The following XPO5 variants were observed in gnomAD, a reference collection of about 807,000 sequenced individuals.
The protein encoded by XPO5 is exportin 5.
XPO5 carries 46 observed loss-of-function variants against 160.6 expected under a neutral mutation model. That is an observed-to-expected ratio of 0.29 (90% CI 0.23 to 0.37). The LOEUF (loss-of-function observed/expected upper bound fraction) is 0.37. Among genes scored for constraint, XPO5 ranks in the 10% least tolerant of loss-of-function variants. The probability of loss-of-function intolerance (pLI) is 1.00; values close to 1 mark genes in which losing one functional copy is unlikely to be tolerated. For synonymous variants in XPO5, 537 were observed against 519.3 expected (o/e 1.03, Z -0.46); for missense variants, 1,090 against 1,463.9 (o/e 0.74, Z 4.17).
chr6:43,573,688 C>T, intron 1 of XPO5, 87 bp from the exon 2 acceptor site: 3 of 1,471,884 alleles, frequency 2.0e-6, no homozygotes, highest in Non-Finnish European at 2.7e-6. Flanking sequence ...CCAACCAGGG[C>T]CGGGTGCGGT....
intron 2 of XPO5, 78 bp from the exon 3 acceptor site, chr6:43,572,656 C>T: frequency 7.3e-7 from 1 of 1,367,262 alleles, no homozygotes; most frequent in Non-Finnish European, 1.0e-6. Flanking sequence ...TGGATTTCTA[C>T]ATTTGATTAC....
At chr6:43,537,567 A>G (rs1794415630) in intron 20 of XPO5, among the ~76,000 whole-genome samples, 1 of 152,222 alleles carries the variant, frequency 6.6e-6, no homozygotes, top group South Asian at 2.1e-4. Context: ...TTCCAACGGA[A>G]GTTTACTTAC....
At chr6:43,543,628 GC>G (rs1794813801) in intron 20 of XPO5, among the ~76,000 whole-genome samples, 1 of 151,932 alleles carries the variant, frequency 6.6e-6, no homozygotes, top group South Asian at 2.1e-4. Flanking sequence ...CACAAGTTAA[GC>G]CCTTTTCTAC....
rs1582237215 is a variant in XPO5 at position 43,560,284 on chromosome 6, T to C, written c.1115A>G (p.Gln372Arg). The C allele has an allele frequency of 2.5e-6, 4 of 1,611,424 alleles. No homozygotes were observed. Among genetic ancestry groups the C allele is most frequent in the Non-Finnish European group, 3.4e-6 (4 of 1,178,740 alleles). The change falls in exon 11 of 32, where the codon CAG becomes CGG. Residue 372 changes from glutamine (Q) to arginine (R), a missense_variant. By Grantham distance (43) the Gln-to-Arg change is conservative. This residue lies in a region of XPO5 where 810 missense variants were observed against 1,139.0 expected (regional missense o/e 0.71). Coordinates refer to ENST00000265351, the MANE Select transcript of XPO5 (RefSeq NM_020750.3). ...HPSQFLRSSTQMTWGALFRHE... is the reference protein window; with the variant it reads ...HPSQFLRSSTRMTWGALFRHE... ...CCTGAAGAGGGCTCCCCAAGTCATC[T>C]GAGTTGAAGAGCGTAGAAACTAAAG...
At chr6:43,550,368 G>A (rs1795169903) in intron 15 of XPO5, among the ~76,000 whole-genome samples, 2 of 152,128 alleles carry the variant, frequency 1.3e-5, no homozygotes, top group African/African-American at 4.8e-5. Flanking sequence ...AAACTCACTG[G>A]GCATTCTCCA....
intron 20 of XPO5, among the ~76,000 whole-genome samples, chr6:43,542,432 T>G (rs1470048154): frequency 6.6e-6 from 1 of 152,052 alleles, no homozygotes; most frequent in African/African-American, 2.4e-5. Flanking sequence ...TTTTTTGAGA[T>G]GGAGTCTTAC....
rs913433013 is a variant in XPO5, at chr6:43,527,749, G to T, written c.2823-18C>A. 6.2e-7 allele frequency: 1 copy of T among 1,613,336 alleles called. No individual in the cohort carries two copies. The highest frequency in any genetic ancestry group is 8.5e-7 in the Non-Finnish European group (1 of 1,179,526). On this transcript the variant is annotated intron_variant, in intron 25 of 31. Transcript: ENST00000265351. The stretch of plus-strand genomic sequence containing the variant: ...CTTCTCCACTGCAGAAAACCAGGGG[G>T]CCAAGTTCCACAGGAGTGCAGAAAA...
rs760566068 is a variant in XPO5 at position 43,523,781 on chromosome 6, G to A, written c.*87C>T. 5.6e-6 allele frequency: 9 copies of A among 1,601,420 alleles called. No homozygotes were observed. Among genetic ancestry groups the A allele is most frequent in the Non-Finnish European group, 7.7e-6 (9 of 1,169,080 alleles). On this transcript the variant is annotated 3_prime_UTR_variant, in exon 32 of 32. Transcript: ENST00000265351. ...GGCTGACAGTGGTGGAAAGTGAGGT[G>A]GCAGTGCAAGAAGGGCCTAGAGATC... is the stretch of plus-strand genomic sequence containing the variant.
chr6:43,523,978 C>T lies in XPO5; in HGVS notation c.3505G>A (p.Glu1169Lys), dbSNP rs765603626. 2 of 1,613,680 alleles carry T rather than the reference C, an allele frequency of 1.2e-6. No homozygotes were observed. The highest frequency in any genetic ancestry group is 2.2e-5 in the South Asian group (2 of 91,084). The change falls in exon 32 of 32, where the codon GAA becomes AAA. Residue 1169 changes from glutamate (E) to lysine (K), a missense_variant. Physicochemically the swap from Glu to Lys is moderately conservative, Grantham distance 56. Transcript: ENST00000265351. ...GKPLGEQFRK[E>K]VHIKNLPSLF... ...GAGGGAAGATTCTTAATGTGAACTT[C>T]TTTTCGGAACTGCTCTCCCAAGGGT...
At position 43,539,577 on chromosome 6, in the gene XPO5, C is replaced by T; in HGVS notation, c.2343-5570G>A. The stretch of plus-strand genomic sequence containing the variant: ...CGAGCTCCGCGGCCTCAGCCCCGGC[C>T]CGGTCCACGGCTGCGACCCCGGCCC... On this transcript the variant is annotated intron_variant, in intron 20 of 31. Transcript: ENST00000265351. 1.5e-6 allele frequency: 2 copies of T among 1,360,354 alleles called. 1 individual carries two copies. Among genetic ancestry groups the T allele is most frequent in the South Asian group, 2.4e-5 (2 of 84,364 alleles). The allele number at this position is 1,360,354 out of a possible 1,614,324, so 84.3% of individuals were successfully genotyped here. A position where few individuals can be genotyped will look rare whatever the true frequency, so the allele number is the denominator to read the frequency against.
At chr6:43,544,562 G>C (rs909050930) in intron 20 of XPO5, among the ~76,000 whole-genome samples, 1 of 152,170 alleles carries the variant, frequency 6.6e-6, no homozygotes, top group African/African-American at 2.4e-5. Flanking sequence ...TAGGTGATTA[G>C]CTTCTTGCCC....
At chr6:43,536,826 A>T (rs924017450) in intron 20 of XPO5, among the ~76,000 whole-genome samples, 60 of 148,402 alleles carry the variant, frequency 4.0e-4, no homozygotes, top group Non-Finnish European at 7.7e-4. Context: ...ACACCTGAAA[A>T]TTTTTTCTGT....
chr6:43,548,178 C>A, intron 18 of XPO5, 83 bp downstream of exon 18: 6 of 1,380,262 alleles, frequency 4.3e-6, no homozygotes, highest in Non-Finnish European at 5.9e-6. Flanking sequence ...ATATCCTTAA[C>A]CCCTACCCCA....
intron 13 of XPO5, chr6:43,555,632 C>A: frequency 4.2e-6 from 2 of 480,198 alleles, no homozygotes; most frequent in Admixed American, 3.7e-5. Context: ...ATGGTTTTAC[C>A]CTAATTTAAA....
intron 1 of XPO5, 60 bp downstream of exon 1, chr6:43,575,700 G>C: frequency 2.0e-6 from 3 of 1,488,194 alleles, no homozygotes; most frequent in South Asian, 2.3e-5. Flanking sequence ...GGCGGCGCCG[G>C]AGCTGCTGGG....
chr6:43,523,794 GGGCCTAGAGATC>G lies in XPO5; in HGVS notation c.*62_*73del. ...GGAAAGTGAGGTGGCAGTGCAAGAAGGGCCTAGAGATCGGCTACAAAGGGAAAGAAGAGATGA... is the reference window on the plus strand; with the variant it reads ...GGAAAGTGAGGTGGCAGTGCAAGAAGGGCTACAAAGGGAAAGAAGAGATGA... On this transcript the variant is annotated 3_prime_UTR_variant, in exon 32 of 32. Transcript: ENST00000265351. 1 of 1,611,824 alleles carries G rather than the reference GGGCCTAGAGATC, an allele frequency of 6.2e-7. No individual in the cohort carries two copies. The highest frequency in any genetic ancestry group is 1.7e-5 in the Admixed American group (1 of 60,012).
rs377465895 is a variant in XPO5 at position 43,524,437 on chromosome 6, G to T, written c.3477+34C>A. 33 of 1,603,660 alleles carry T rather than the reference G, an allele frequency of 2.1e-5. No homozygotes were observed. In the African/African-American group the frequency reaches 4.4e-4, roughly 22 times the overall value. The stretch of plus-strand genomic sequence containing the variant: ...TGCCCATACACATGATTTAAGAAGG[G>T]GGTTGGGAGCACTATTGAAGGTGCA... On this transcript the variant is annotated intron_variant, in intron 31 of 31. Transcript: ENST00000265351.
chr6:43,549,185 C>T (rs1795110428), intron 17 of XPO5, among the ~76,000 whole-genome samples: 1 of 152,128 alleles, frequency 6.6e-6, no homozygotes, highest in African/African-American at 2.4e-5. Context: ...CCTCAGCCTC[C>T]TGACTAGCTG....
At chr6:43,575,661 C>T in intron 1 of XPO5, 99 bp downstream of exon 1, 1 of 1,107,108 alleles carries the variant, frequency 9.0e-7, no homozygotes, top group Non-Finnish European at 1.3e-6. Context: ...GTCCAGGGGC[C>T]GCGTGGGCGG....
Sources: gnomAD v4.1 joint callset for allele counts (sites outside exome capture counted in the v4.1 genomes callset) on GRCh38, gnomAD v4.1.1 for gene constraint, gnomAD v4.1.1 regional missense constraint, MANE v1.5 for transcripts, NCBI Gene and HGNC (gene_info 2026-07-23, HGNC 2026-07-21) for gene names.